The following DNAJB1 variants were observed in gnomAD, a reference collection of about 807,000 sequenced individuals.
DNAJB1 encodes the protein DnaJ heat shock protein family (Hsp40) member B1, also known as dnaJ homolog subfamily B member 1.
A neutral mutation model predicts 24.0 loss-of-function variants in DNAJB1; 14 were observed. The ratio of observed to expected loss-of-function variants is 0.58; its 90% CI spans 0.39 to 0.91. The LOEUF is 0.91. Ranked by LOEUF, DNAJB1 falls within the 40% of genes least tolerant of loss-of-function variation. The probability of loss-of-function intolerance (pLI) is 0.00; values close to 1 mark genes in which losing one functional copy is unlikely to be tolerated. For synonymous variants in DNAJB1, 262 were observed against 174.4 expected (o/e 1.50, Z -3.96); for missense variants, 517 against 458.1 (o/e 1.13, Z -1.17).
chr19:14,518,859 C>T (rs1371102207), upstream of DNAJB1, among the ~76,000 whole-genome samples: 1 of 152,264 alleles, frequency 6.6e-6, no homozygotes, highest in Admixed American at 6.5e-5. Context: ...GGTGGGCTCC[C>T]GCCCGGTGAC....
chr19:14,554,135 G>A (rs1400734754), upstream of DNAJB1, among the ~76,000 whole-genome samples: 4 of 152,164 alleles, frequency 2.6e-5, no homozygotes. Flanking sequence ...TGGTCTTCTG[G>A]GCTCTGGGAT....
upstream of DNAJB1, among the ~76,000 whole-genome samples, chr19:14,534,394 G>T (rs2072787002): frequency 2.1e-5 from 3 of 142,340 alleles, no homozygotes; most frequent in Admixed American, 1.4e-4. Flanking sequence ...AGGGTGCTGG[G>T]ATTACAGGAG....
At chr19:14,547,827 CTT>C (rs544400801) in intron 1 of DNAJB1, among the ~76,000 whole-genome samples, 2 of 151,416 alleles carry the variant, frequency 1.3e-5, no homozygotes, top group East Asian at 3.9e-4. Context: ...CAGCCGGCTA[CTT>C]TTGTTTTTTT....
chr19:14,518,044 G>A (rs2072306340), intron 1 of DNAJB1, 95 bp downstream of exon 1: 2 of 1,286,878 alleles, frequency 1.6e-6, no homozygotes, highest in Admixed American at 3.9e-5. Context: ...ACGGCCCGGG[G>A]CGTCCTTCCC....
chr19:14,530,645 C>G (rs960146596), upstream of DNAJB1: 4 of 152,096 alleles, frequency 2.6e-5, no homozygotes, highest in African/African-American at 9.7e-5. Flanking sequence ...TTAGTAAATG[C>G]AAAACAGATA....
At chr19:14,518,745 A>T (rs1051586025), upstream of DNAJB1, among the ~76,000 whole-genome samples, 5 of 152,082 alleles carry the variant, frequency 3.3e-5, no homozygotes, top group Non-Finnish European at 7.4e-5. Context: ...GTAGGTCGGG[A>T]CCCACAGCGA....
upstream of DNAJB1, chr19:14,529,695 C>T (rs554821641): frequency 1.9e-6 from 3 of 1,614,082 alleles, no homozygotes; most frequent in Non-Finnish European, 2.5e-6. Context: ...TGGGAGGGAG[C>T]CATGAAGCAT....
intron 1 of DNAJB1, among the ~76,000 whole-genome samples, chr19:14,543,409 A>G (rs1428935551): frequency 1.1e-4 from 1 of 9,462 alleles, no homozygotes; most frequent in Admixed American, 1.3e-3. Context: ...ATATATATAT[A>G]TATATATATA....
chr19:14,518,072 G>A (rs1031851812), intron 1 of DNAJB1, 67 bp downstream of exon 1: 21 of 1,365,502 alleles, frequency 1.5e-5, no homozygotes, highest in Admixed American at 3.6e-5. Context: ...CGCCGAGAGG[G>A]GCCAGCGTGC....
chr19:14,549,954 TAAAA>T (rs201560790), intron 1 of DNAJB1, among the ~76,000 whole-genome samples: 21 of 150,544 alleles, frequency 1.4e-4, no homozygotes, highest in Non-Finnish European at 2.5e-4. Flanking sequence ...AAAAAAAAAA[TAAAA>T]AAAATAAACT....
At position 14,518,227 on chromosome 19, in the gene DNAJB1, G is replaced by A. The variant is rs761819032; in HGVS notation, c.123C>T (p.Ala41=). The part of the protein sequence containing the change: ...YHPDKNKEPG[A]EEKFKEIAEA... Reference sequence around the variant, plus strand: ...CAGCGATCTCCTTGAACTTCTCCTCGGCGCCGGGCTCCTTGTTCTTGTCCG... The same window carrying A: ...CAGCGATCTCCTTGAACTTCTCCTCAGCGCCGGGCTCCTTGTTCTTGTCCG... Residue 41 remains alanine (A), a synonymous_variant, in exon 1 of 3, where the codon GCC becomes GCT. Transcript: ENST00000254322. The A allele has an allele frequency of 8.1e-6, 13 of 1,609,810 alleles. No homozygotes were observed. The highest frequency in any genetic ancestry group is 1.1e-5 in the South Asian group (1 of 90,718).
chr19:14,548,992 C>T (rs984259900), intron 1 of DNAJB1, among the ~76,000 whole-genome samples: 15 of 150,672 alleles, frequency 1.0e-4, no homozygotes, highest in Non-Finnish European at 1.6e-4. Context: ...TTAATTTTCA[C>T]ATATCATGAA....
At chr19:14,542,206 C>T (rs2073117135) in intron 1 of DNAJB1, among the ~76,000 whole-genome samples, 3 of 152,186 alleles carry the variant, frequency 2.0e-5, no homozygotes, top group Admixed American at 6.6e-5. Flanking sequence ...CTCAAGTGAT[C>T]CTCCTGCCTT....
intron 1 of DNAJB1, among the ~76,000 whole-genome samples, chr19:14,539,346 T>C (rs114360367): frequency 0.029 from 4,386 of 151,956 alleles, 180 homozygotes; most frequent in African/African-American, 0.095. Context: ...GGAAGACCCT[T>C]GGGGAAGTCA....
At chr19:14,559,252 A>C (rs2073834858) in intron 1 of DNAJB1, among the ~76,000 whole-genome samples, 1 of 152,068 alleles carries the variant, frequency 6.6e-6, no homozygotes, top group African/African-American at 2.4e-5. Flanking sequence ...CACGTGCATC[A>C]TTGTGCAGCC....
intron 1 of DNAJB1, among the ~76,000 whole-genome samples, chr19:14,536,179 G>T (rs146852418): frequency 1.3e-5 from 2 of 152,220 alleles, no homozygotes; most frequent in Non-Finnish European, 2.9e-5. Context: ...CAATGCTTAC[G>T]GGCTTTGGAT....
At chr19:14,545,374 T>C (rs1334512955) in intron 1 of DNAJB1, among the ~76,000 whole-genome samples, 1 of 152,106 alleles carries the variant, frequency 6.6e-6, no homozygotes, top group Non-Finnish European at 1.5e-5. Flanking sequence ...AGCAGGGTCC[T>C]CCCGGGCACA....
chr19:14,518,066 G>C, intron 1 of DNAJB1, 73 bp downstream of exon 1: 6 of 1,339,866 alleles, frequency 4.5e-6, no homozygotes, highest in Non-Finnish European at 5.8e-6. Flanking sequence ...GGGGGCCGCC[G>C]AGAGGGGCCA....
intron 1 of DNAJB1, among the ~76,000 whole-genome samples, chr19:14,528,487 C>T (rs929934301): frequency 4.2e-4 from 64 of 151,956 alleles, no homozygotes; most frequent in African/African-American, 1.5e-3. Context: ...ATCTGCCCCC[C>T]TCGGCCTCCC....
Sources: gnomAD v4.1 joint callset for allele counts (sites outside exome capture counted in the v4.1 genomes callset) on GRCh38, gnomAD v4.1.1 for gene constraint, MANE v1.5 for transcripts, NCBI Gene and HGNC (gene_info 2026-07-23, HGNC 2026-07-21) for gene names.